Variants in KALRN observed in about 807,000 individuals in gnomAD.
KALRN encodes the protein kalirin RhoGEF kinase.
A neutral mutation model predicts 353.7 loss-of-function variants in KALRN; 70 were observed. The ratio of observed to expected loss-of-function variants is 0.20; its 90% CI spans 0.16 to 0.24. KALRN has a LOEUF of 0.24. Among genes scored for constraint, KALRN ranks in the 10% least tolerant of loss-of-function variants. The pLI is 1.00. For synonymous variants in KALRN, 1,391 were observed against 1,434.8 expected (o/e 0.97, Z 0.69); for missense variants, 2,791 against 3,756.7 (o/e 0.74, Z 6.72).
At chr3:124,406,832 CTTT>C (rs10686645) in intron 13 of KALRN, among the ~76,000 whole-genome samples, 6 of 126,278 alleles carry the variant, frequency 4.8e-5, no homozygotes, top group Middle Eastern at 4.2e-3. Context: ...AGTTGCTTTG[CTTT>C]TTTTTTTTTT....
At chr3:124,309,693 C>T in intron 6 of KALRN, among the ~76,000 whole-genome samples, 1 of 152,016 alleles carries the variant, frequency 6.6e-6, no homozygotes, top group East Asian at 1.9e-4. Context: ...ATCATGTGAT[C>T]ATCTCAATAG....
intron 38 of KALRN, 144 bp downstream of exon 38, chr3:124,651,082 GCA>G: frequency 1.0e-6 from 1 of 989,668 alleles, no homozygotes; most frequent in Non-Finnish European, 1.4e-6. Flanking sequence ...GTACAGCATA[GCA>G]CTGATAAACA....
At chr3:124,436,001 G>A (rs1039457643) in intron 17 of KALRN, among the ~76,000 whole-genome samples, 3 of 152,248 alleles carry the variant, frequency 2.0e-5, no homozygotes, top group Non-Finnish European at 2.9e-5. Flanking sequence ...AGACAGAATC[G>A]TATCTGGTAT....
At chr3:124,378,510 G>T (rs1490223121) in intron 10 of KALRN, among the ~76,000 whole-genome samples, 1 of 151,710 alleles carries the variant, frequency 6.6e-6, no homozygotes, top group Admixed American at 6.6e-5. Context: ...CCTGTGTATG[G>T]ATCTGTATTT....
At chr3:124,357,550 T>C (rs2083558287) in intron 10 of KALRN, among the ~76,000 whole-genome samples, 1 of 152,218 alleles carries the variant, frequency 6.6e-6, no homozygotes, top group South Asian at 2.1e-4. Context: ...CATGCCATGC[T>C]CTCAAGTCTC....
intron 33 of KALRN, among the ~76,000 whole-genome samples, chr3:124,509,487 C>A (rs1251147765): frequency 6.6e-6 from 1 of 152,220 alleles, no homozygotes; most frequent in Non-Finnish European, 1.5e-5. Flanking sequence ...GGATTACAGG[C>A]ATGAGCCACT....
At chr3:124,452,605 A>G (rs1036314831) in intron 21 of KALRN, among the ~76,000 whole-genome samples, 2 of 152,216 alleles carry the variant, frequency 1.3e-5, no homozygotes, top group African/African-American at 4.8e-5. Flanking sequence ...GGCATGCAAC[A>G]TTCAACATGG....
intron 37 of KALRN, among the ~76,000 whole-genome samples, chr3:124,645,353 T>G (rs1335232042): frequency 6.6e-6 from 1 of 152,250 alleles, no homozygotes; most frequent in African/African-American, 2.4e-5. Context: ...TTGTCAATTT[T>G]GGCTTTTGTT....
At chr3:124,506,957 T>C (rs927734288) in intron 33 of KALRN, among the ~76,000 whole-genome samples, 1 of 152,260 alleles carries the variant, frequency 6.6e-6, no homozygotes, top group Non-Finnish European at 1.5e-5. Context: ...CCAGGCACTA[T>C]TGTAGACACA....
At chr3:124,498,344 TG>T (rs1341887406) in intron 33 of KALRN, among the ~76,000 whole-genome samples, 1 of 152,226 alleles carries the variant, frequency 6.6e-6, no homozygotes, top group African/African-American at 2.4e-5. Context: ...TGTAGTTTTT[TG>T]TTTCATGTCT....
intron 34 of KALRN, chr3:124,584,926 C>T (rs775110700): frequency 2.5e-6 from 4 of 1,573,042 alleles, no homozygotes; most frequent in Admixed American, 3.6e-5. Context: ...TGTCGGCGGC[C>T]TTGGTGCCTT....
In KALRN at chr3:124,476,509, A is replaced by G. The variant is rs2061436439; in HGVS notation, c.4102-736A>G. ...GCTGCTGTCTCAGAAGAGGATGCCAACACAAAGTTCCAAAGGCACTGAGAT... is the reference window on the plus strand; with the variant it reads ...GCTGCTGTCTCAGAAGAGGATGCCAGCACAAAGTTCCAAAGGCACTGAGAT... On this transcript the variant is annotated intron_variant, in intron 26 of 59. Coordinates refer to ENST00000682506, the MANE Select transcript of KALRN (RefSeq NM_001388419.1). 2.6e-5 allele frequency among the ~76,000 whole-genome samples: 4 copies of G among 152,174 alleles called. No individual in the cohort carries two copies. The South Asian group carries it at 8.3e-4, about 32-fold the overall frequency.
rs1561463687 is a variant in KALRN, at chr3:124,628,301, ATTCC to A, written c.5183-4118_5183-4115del. Among the ~76,000 whole-genome samples, 10 of 1,816 alleles carry A rather than the reference ATTCC, an allele frequency of 5.5e-3. 1 individual carries two copies. Among genetic ancestry groups the A allele is most frequent in the Admixed American group, 6.1e-3 (1 of 164 alleles). 1.2% of individuals were successfully genotyped at this position (1,816 alleles called of 152,430 possible). ...CCTTCCTTCCCTCCCTCCCTCCTTC[ATTCC>A]CTCCCTCCCCCCTCCTTCCTTCCCT... On this transcript the variant is annotated intron_variant, in intron 34 of 59. Transcript: ENST00000682506.
At position 124,461,873 on chromosome 3, in the gene KALRN, C is replaced by T. The variant is rs1239548864; in HGVS notation, c.3855-17C>T. 1 of 1,602,634 alleles carries T rather than the reference C, an allele frequency of 6.2e-7. No homozygotes were observed. The highest frequency in any genetic ancestry group is 1.7e-5 in the Admixed American group (1 of 59,868). On this transcript the variant is annotated splice_polypyrimidine_tract_variant and intron_variant, in intron 23 of 59. Transcript: ENST00000682506. ...TTATATCTATATCCAAGTAAAAGCC[C>T]ATTTGTTTCCTTCTAGATTTATTAT...
In KALRN at chr3:124,334,250, C is replaced by T; in HGVS notation, c.1417-15C>T. 6.2e-7 allele frequency: 1 copy of T among 1,610,884 alleles called. No homozygotes were observed. The highest frequency in any genetic ancestry group is 8.5e-7 in the Non-Finnish European group (1 of 1,176,974). ...CACCCTTTTCCCTTAACTTAAACTTCTCTCTTTCCTGCAGGTCAGCCAGGA... is the reference window on the plus strand; with the variant it reads ...CACCCTTTTCCCTTAACTTAAACTTTTCTCTTTCCTGCAGGTCAGCCAGGA... On this transcript the variant is annotated splice_polypyrimidine_tract_variant and intron_variant, in intron 8 of 59. Coordinates refer to ENST00000682506, the MANE Select transcript of KALRN (RefSeq NM_001388419.1). The surrounding 1 kb of genome is among the most constrained non-coding windows in gnomAD (Gnocchi z 4.2).
intron 25 of KALRN, 92 bp from the exon 26 acceptor site, chr3:124,474,571 T>G (rs879614032): frequency 1.0e-6 from 1 of 953,872 alleles, no homozygotes; most frequent in Non-Finnish European, 1.7e-6. Flanking sequence ...GTATAAATAA[T>G]TGAGAAGTTA....
intron 1 of KALRN, among the ~76,000 whole-genome samples, chr3:124,224,250 A>T (rs1333385147): frequency 2.0e-5 from 3 of 150,852 alleles, no homozygotes; most frequent in Admixed American, 2.0e-4. Flanking sequence ...TTAGATGGAA[A>T]CAGGTCTATG....
intron 22 of KALRN, among the ~76,000 whole-genome samples, chr3:124,456,382 G>A (rs1005327161): frequency 3.9e-5 from 6 of 152,012 alleles, no homozygotes; most frequent in Non-Finnish European, 8.8e-5. Context: ...TCTTACTATG[G>A]ATATTTACCC....
intron 17 of KALRN, among the ~76,000 whole-genome samples, chr3:124,437,689 C>CAAAAAAA (rs397876079): frequency 1.4e-4 from 7 of 48,332 alleles, no homozygotes; most frequent in African/African-American, 4.2e-4. Context: ...GATTCCGTCT[C>CAAAAAAA]AAAAAAAAAA....
Sources: gnomAD v4.1 joint callset for allele counts (sites outside exome capture counted in the v4.1 genomes callset) on GRCh38, gnomAD v4.1.1 for gene constraint, Gnocchi (gnomAD v3.1) non-coding constraint, MANE v1.5 for transcripts, NCBI Gene and HGNC (gene_info 2026-07-23, HGNC 2026-07-21) for gene names.